PIK3R1: variants seen among roughly 807,000 people sequenced by gnomAD.
The protein encoded by PIK3R1 is phosphatidylinositol 3-kinase regulatory subunit alpha.
Under a neutral mutation model 98.0 loss-of-function variants are expected in PIK3R1, and 29 were observed. The ratio of observed to expected loss-of-function variants is 0.30; its 90% CI spans 0.22 to 0.40. PIK3R1 has a LOEUF of 0.40. Ranked by LOEUF, PIK3R1 falls within the 10% of genes least tolerant of loss-of-function variation. PIK3R1 has a pLI of 1.00. For synonymous variants in PIK3R1, 282 were observed against 311.8 expected (o/e 0.90, Z 1.01); for missense variants, 596 against 872.7 (o/e 0.68, Z 3.99).
At chr5:68,216,047 G>C (rs1234762094) in intron 1 of PIK3R1, 98 bp downstream of exon 1, 1 of 152,224 alleles carries the variant, frequency 6.6e-6, no homozygotes, top group Non-Finnish European at 1.5e-5. Flanking sequence ...CACTGGCAGC[G>C]GCTTCTCCTT....
chr5:68,249,679 G>A (rs1416221808), intron 2 of PIK3R1, among the ~76,000 whole-genome samples: 1 of 152,076 alleles, frequency 6.6e-6, no homozygotes, highest in Non-Finnish European at 1.5e-5. Flanking sequence ...TAATGACTTA[G>A]CTTCCCATAA....
At chr5:68,264,290 C>T (rs75185164) in intron 2 of PIK3R1, among the ~76,000 whole-genome samples, 1,907 of 152,316 alleles carry the variant, frequency 0.013, 41 homozygotes, top group African/African-American at 0.043. Flanking sequence ...TTGCAACTGT[C>T]GCCAAGTGCT....
intron 2 of PIK3R1, among the ~76,000 whole-genome samples, chr5:68,262,810 T>G (rs1415780361): frequency 9.8e-5 from 6 of 61,056 alleles, no homozygotes; most frequent in East Asian, 9.2e-4. Context: ...GATACATGTA[T>G]ACATGTAGAT....
chr5:68,238,617 G>T (rs1224139343), intron 2 of PIK3R1, among the ~76,000 whole-genome samples: 2 of 152,090 alleles, frequency 1.3e-5, no homozygotes, highest in East Asian at 3.8e-4. Context: ...GTGTAAGGGG[G>T]TAATGAGCTG....
At position 68,298,612 on chromosome 5, in the gene PIK3R1, T is replaced by C; in HGVS notation, c.*1011T>C. The stretch of plus-strand genomic sequence containing the variant: ...CTTCAGAATTAAAACTATGAAATAT[T>C]TTACAGTTTTTCTTGTACAGAGTAC... On this transcript the variant is annotated 3_prime_UTR_variant, in exon 16 of 16. Coordinates refer to ENST00000521381, the MANE Select transcript of PIK3R1 (RefSeq NM_181523.3). 4.3e-6 allele frequency: 1 copy of C among 233,326 alleles called. No homozygotes were observed. The allele number at this position is 233,326 out of a possible 1,614,324, so 14.5% of individuals were successfully genotyped here. A position where few individuals can be genotyped will look rare whatever the true frequency, so the allele number is the denominator to read the frequency against.
intron 2 of PIK3R1, among the ~76,000 whole-genome samples, chr5:68,236,747 G>C (rs902006427): frequency 2.6e-5 from 4 of 152,124 alleles, no homozygotes; most frequent in African/African-American, 9.7e-5. Context: ...TTTTTGGGTG[G>C]TCTTCAATTA....
chr5:68,249,184 T>C (rs1431592730), intron 2 of PIK3R1, among the ~76,000 whole-genome samples: 3 of 152,242 alleles, frequency 2.0e-5, no homozygotes, highest in African/African-American at 7.2e-5. Flanking sequence ...TTTTTGTCTC[T>C]TCCTTTAGGA....
intron 2 of PIK3R1, among the ~76,000 whole-genome samples, chr5:68,273,116 G>A (rs1746430466): frequency 6.6e-6 from 1 of 152,124 alleles, no homozygotes. Context: ...GCCCAGGGGT[G>A]TACCTAGACA....
At chr5:68,220,905 G>A (rs72770176) in intron 1 of PIK3R1, among the ~76,000 whole-genome samples, 3,292 of 152,250 alleles carry the variant, frequency 0.022, 41 homozygotes, top group East Asian at 0.035. Flanking sequence ...ATGTTTACTA[G>A]GTGCTCTGGG....
Position 68,299,953 on chromosome 5 carries a change from A to G in PIK3R1, c.*2352A>G. The G allele has an allele frequency of 4.3e-6, 1 of 233,232 alleles. No homozygotes were observed. Among genetic ancestry groups the G allele is most frequent in the Non-Finnish European group, 8.5e-6 (1 of 118,018 alleles). 14.4% of individuals were successfully genotyped at this position (233,232 alleles called of 1,614,324 possible). A position where few individuals can be genotyped will look rare whatever the true frequency, so the allele number is the denominator to read the frequency against. On this transcript the variant is annotated 3_prime_UTR_variant, in exon 16 of 16. Transcript: ENST00000521381. ...TAAAGTTATTGTGATATCCTTCTAGATCATACACAAGTCTAACAGTTAATT... is the reference window on the plus strand; with the variant it reads ...TAAAGTTATTGTGATATCCTTCTAGGTCATACACAAGTCTAACAGTTAATT...
chr5:68,279,343 G>A (rs1746719558), intron 4 of PIK3R1, among the ~76,000 whole-genome samples: 1 of 152,108 alleles, frequency 6.6e-6, no homozygotes, highest in South Asian at 2.1e-4. Flanking sequence ...CTGGCATCAT[G>A]GGCAGGGGGT....
At chr5:68,268,521 G>C (rs1746213416) in intron 2 of PIK3R1, among the ~76,000 whole-genome samples, 1 of 152,204 alleles carries the variant, frequency 6.6e-6, no homozygotes, top group African/African-American at 2.4e-5. Flanking sequence ...GAGAGATTCA[G>C]ACAGAAACAG....
intron 7 of PIK3R1, among the ~76,000 whole-genome samples, chr5:68,290,182 T>C (rs1747310679): frequency 6.6e-6 from 1 of 152,220 alleles, no homozygotes; most frequent in South Asian, 2.1e-4. Flanking sequence ...AGGACTAAAA[T>C]ACCAGGAGTA....
intron 2 of PIK3R1, among the ~76,000 whole-genome samples, chr5:68,264,023 G>C (rs1746016564): frequency 6.6e-6 from 1 of 152,176 alleles, no homozygotes; most frequent in African/African-American, 2.4e-5. Flanking sequence ...TGATTAACTA[G>C]AAGAGTCTTT....
intron 5 of PIK3R1, 45 bp from the exon 6 acceptor site, chr5:68,280,483 T>C (rs758166693): frequency 1.5e-6 from 2 of 1,296,788 alleles, no homozygotes; most frequent in Non-Finnish European, 2.2e-6. Context: ...TACCTGGAAG[T>C]AGTCGCTTAC....
At chr5:68,222,196 A>G (rs1454712062) in intron 1 of PIK3R1, among the ~76,000 whole-genome samples, 2 of 152,224 alleles carry the variant, frequency 1.3e-5, no homozygotes, top group East Asian at 3.8e-4. Context: ...GAATCTGAGG[A>G]AAAATCCTGT....
At chr5:68,290,479 G>A (rs1311204407) in intron 7 of PIK3R1, among the ~76,000 whole-genome samples, 4 of 152,206 alleles carry the variant, frequency 2.6e-5, no homozygotes, top group Admixed American at 2.0e-4. Context: ...GGATGAGCAT[G>A]TATATATTGC....
chr5:68,239,577 A>G (rs1440183175), intron 2 of PIK3R1, among the ~76,000 whole-genome samples: 1 of 152,236 alleles, frequency 6.6e-6, no homozygotes, highest in Non-Finnish European at 1.5e-5. Context: ...GTTTAGTTAG[A>G]GATGGCCCAA....
At chr5:68,227,159 A>G in intron 2 of PIK3R1, 150 bp downstream of exon 2, 1 of 683,482 alleles carries the variant, frequency 1.5e-6, no homozygotes, top group Non-Finnish European at 2.5e-6. Flanking sequence ...AGCTTGGTCA[A>G]TCATTACACA....
Sources: allele counts gnomAD v4.1 joint callset (sites outside exome capture counted in the v4.1 genomes callset), GRCh38; gene constraint gnomAD v4.1.1; transcripts MANE v1.5; gene names NCBI Gene and HGNC (gene_info 2026-07-23, HGNC 2026-07-21).